Variants in NRN1 observed in about 807,000 individuals in gnomAD.
NRN1 encodes neuritin.
Under a neutral mutation model 15.0 loss-of-function variants are expected in NRN1, and 4 were observed. The ratio of observed to expected loss-of-function variants is 0.27; its 90% CI spans 0.13 to 0.61. The LOEUF (loss-of-function observed/expected upper bound fraction) is 0.61. NRN1 is among the 20% of genes least tolerant of loss of function. NRN1 has a pLI of 0.87. For synonymous variants in NRN1, 85 were observed against 79.8 expected (o/e 1.07, Z -0.35); for missense variants, 134 against 181.9 (o/e 0.74, Z 1.51).
At chr6:6,004,089 G>A (rs1057490064) in intron 1 of NRN1, 6 of 1,060,472 alleles carry the variant, frequency 5.7e-6, no homozygotes, top group African/African-American at 5.0e-5. Flanking sequence ...TGCAGGAAGA[G>A]CGAGGCGGGC....
Position 5,998,770 on chromosome 6 carries a change from G to T in NRN1, c.*206C>A, listed in dbSNP as rs1203542891. ...GGTCCGATTTTGGCTGTGCTTGCTT[G>T]CTCACTGATTGGTAACATTTGGCAA... On this transcript the variant is annotated 3_prime_UTR_variant, in exon 3 of 3. Coordinates refer to ENST00000244766, the MANE Select transcript of NRN1 (RefSeq NM_016588.3). 2.4e-5 allele frequency: 14 copies of T among 577,712 alleles called. No individual in the cohort carries two copies. In the Admixed American group the frequency reaches 3.6e-4, roughly 15 times the overall value. 35.8% of individuals were successfully genotyped at this position (577,712 alleles called of 1,614,324 possible).
At chr6:5,999,309 C>T in intron 2 of NRN1, 105 bp from the exon 3 acceptor site, 2 of 904,052 alleles carry the variant, frequency 2.2e-6, no homozygotes, top group South Asian at 1.5e-5. Flanking sequence ...CCGCCAACTT[C>T]CCGGGGTGTC....
rs1405482601 is a variant in NRN1, at chr6:5,999,996, C to T, written c.201-792G>A. On this transcript the variant is annotated intron_variant, in intron 2 of 2. Coordinates refer to ENST00000244766, the MANE Select transcript of NRN1 (RefSeq NM_016588.3). The stretch of plus-strand genomic sequence containing the variant: ...CTGGGGCCGGCCTCGTAGCCTTCAT[C>T]TGCTCTTGCGAATCCAAGTGTCCCA... Among the ~76,000 whole-genome samples, 4 of 152,300 alleles carry T rather than the reference C, an allele frequency of 2.6e-5. No individual in the cohort carries two copies. The East Asian group carries it at 5.8e-4, about 22-fold the overall frequency.
At chr6:6,003,121 C>G in intron 1 of NRN1, 1 of 1,064,440 alleles carries the variant, frequency 9.4e-7, no homozygotes. Context: ...CTGGAAGCCA[C>G]CAGCAGTTAC....
intron 2 of NRN1, among the ~76,000 whole-genome samples, chr6:6,001,986 A>G (rs1757959022): frequency 6.6e-6 from 1 of 152,242 alleles, no homozygotes; most frequent in African/African-American, 2.4e-5. Context: ...CAAGATTGCT[A>G]CAAGGCAGAG....
At chr6:6,006,233 A>G (rs1033956366) in intron 1 of NRN1, among the ~76,000 whole-genome samples, 2 of 152,180 alleles carry the variant, frequency 1.3e-5, no homozygotes, top group Non-Finnish European at 2.9e-5. Flanking sequence ...CAAAGTTCTA[A>G]ATGCAGCAGT....
chr6:5,999,720 T>C (rs1757884986), intron 2 of NRN1, among the ~76,000 whole-genome samples: 1 of 152,164 alleles, frequency 6.6e-6, no homozygotes, highest in Non-Finnish European at 1.5e-5. Context: ...GCCGCGGTAC[T>C]CTCGCCTTCG....
chr6:6,002,095 C>T (rs111285530), intron 2 of NRN1, among the ~76,000 whole-genome samples: 8 of 152,354 alleles, frequency 5.3e-5, no homozygotes, highest in Middle Eastern at 3.4e-3. Context: ...CCTGAGAGGC[C>T]GCGTAGAGCT....
intron 1 of NRN1, among the ~76,000 whole-genome samples, chr6:6,006,335 C>T (rs1330905197): frequency 6.6e-6 from 1 of 152,214 alleles, no homozygotes; most frequent in Non-Finnish European, 1.5e-5. Flanking sequence ...TTCGACTCTT[C>T]AAAATCATAT....
intron 1 of NRN1, chr6:6,002,722 C>T (rs922034280): frequency 8.2e-6 from 5 of 608,166 alleles, no homozygotes; most frequent in Non-Finnish European, 1.4e-5. Flanking sequence ...GGTGTGTGAG[C>T]AGGTGTGGGT....
chr6:6,003,799 CG>C, intron 1 of NRN1: 1 of 1,233,948 alleles, frequency 8.1e-7, no homozygotes, highest in Non-Finnish European at 1.0e-6. Context: ...GCAGCCCGGG[CG>C]CCGGGAGGGC....
chr6:6,001,785 C>T (rs920340365), intron 2 of NRN1, among the ~76,000 whole-genome samples: 5 of 152,192 alleles, frequency 3.3e-5, no homozygotes, highest in African/African-American at 1.2e-4. Flanking sequence ...AGACCTGTAT[C>T]TCCTTGCCTG....
rs755691273 is a variant in NRN1, at chr6:5,999,061, T to TTGCCGC, written c.338_343dup (p.Ser113_Gly114dup). On this transcript the variant is annotated inframe_insertion, in exon 3 of 3. Transcript: ENST00000244766. The stretch of plus-strand genomic sequence containing the variant: ...CGGGAGCAGGGACCCCGCCGCCCCG[T>TTGCCGC]TGCCGCTGCCGCAGAGTTCGAATAA... The TTGCCGC allele has an allele frequency of 1.9e-6, 3 of 1,614,002 alleles. No homozygotes were observed. Among genetic ancestry groups the TTGCCGC allele is most frequent in the East Asian group, 2.2e-5 (1 of 44,894 alleles).
At chr6:6,004,001 G>A in intron 1 of NRN1, 3 of 1,211,430 alleles carry the variant, frequency 2.5e-6, no homozygotes, top group South Asian at 4.3e-5. Flanking sequence ...GCCTGTCCGC[G>A]AGCGCCGGGC....
chr6:6,002,894 C>T (rs1270191905), intron 1 of NRN1: 1 of 380,748 alleles, frequency 2.6e-6, no homozygotes, highest in East Asian at 4.0e-5. Flanking sequence ...CCCCAGCAAG[C>T]CCTGTCACAG....
In NRN1 at chr6:5,998,978, A is replaced by C. The variant is rs1458541667; in HGVS notation, c.427T>G (p.Ter143GlyextTer35). The C allele has an allele frequency of 6.2e-7, 1 of 1,609,462 alleles. No individual in the cohort carries two copies. The highest frequency in any genetic ancestry group is 8.5e-7 in the Non-Finnish European group (1 of 1,178,108). Residue 143 changes from the stop codon to glycine (G), a stop_lost, in exon 3 of 3, where the codon TGA becomes GGA. Coordinates refer to ENST00000244766, the MANE Select transcript of NRN1 (RefSeq NM_016588.3). Reference protein sequence around the residue: ...SAALATWLSF* With the variant: ...SAALATWLSFG ...CGCGGGGGGAGCTGGCCCCACGCTC[A>C]GAAGGAAAGCCAGGTCGCTAAAGCT...
intron 2 of NRN1, among the ~76,000 whole-genome samples, chr6:5,999,700 CCTT>C (rs1402370006): frequency 1.3e-5 from 2 of 152,226 alleles, no homozygotes; most frequent in Middle Eastern, 6.3e-3. Flanking sequence ...CTGTCTCCCT[CCTT>C]CTCCACGCCG....
chr6:6,004,007 C>A, intron 1 of NRN1: 1 of 1,206,126 alleles, frequency 8.3e-7, no homozygotes, highest in Non-Finnish European at 1.0e-6. Context: ...CCGCGAGCGC[C>A]GGGCCAGACG....
intron 1 of NRN1, chr6:6,003,102 A>T (rs1274003555): frequency 1.1e-6 from 1 of 884,692 alleles, no homozygotes; most frequent in African/African-American, 1.7e-5. Context: ...GAATGAACGA[A>T]TATAGTCCCT....
Sources: gnomAD v4.1 joint callset for allele counts (sites outside exome capture counted in the v4.1 genomes callset) on GRCh38, gnomAD v4.1.1 for gene constraint, MANE v1.5 for transcripts, NCBI Gene and HGNC (gene_info 2026-07-23, HGNC 2026-07-21) for gene names.